The following CPNE4 variants were observed in gnomAD, a reference collection of about 807,000 sequenced individuals.
CPNE4 encodes copine-4.
CPNE4 carries 25 observed loss-of-function variants against 67.9 expected under a neutral mutation model. That is an observed-to-expected ratio of 0.37 (90% confidence interval 0.27 to 0.51). The LOEUF is 0.51. CPNE4 is among the 20% of genes least tolerant of loss of function. CPNE4 has a pLI of 0.93. For missense variants in CPNE4, 464 were observed against 690.8 expected (o/e 0.67, Z 3.68); for synonymous variants, 242 against 244.9 (o/e 0.99, Z 0.11).
At chr3:131,727,304 C>T (rs1215684511) in intron 2 of CPNE4, among the ~76,000 whole-genome samples, 4 of 151,958 alleles carry the variant, frequency 2.6e-5, no homozygotes, top group Non-Finnish European at 2.9e-5. Context: ...TTAAAAATAT[C>T]TAAAACACGG....
chr3:131,665,309 G>A (rs771544607), intron 7 of CPNE4, among the ~76,000 whole-genome samples: 1 of 151,914 alleles, frequency 6.6e-6, no homozygotes, highest in Non-Finnish European at 1.5e-5. Context: ...TCACATTGAG[G>A]GTATTAGAAG....
intron 7 of CPNE4, among the ~76,000 whole-genome samples, chr3:131,634,836 G>A (rs535258432): frequency 6.6e-6 from 1 of 152,274 alleles, no homozygotes; most frequent in South Asian, 2.1e-4. Flanking sequence ...ATCCTAAGTG[G>A]AAAATGGGGG....
chr3:131,553,706 T>C (rs1936310700), intron 12 of CPNE4, among the ~76,000 whole-genome samples: 1 of 152,126 alleles, frequency 6.6e-6, no homozygotes. Context: ...AACCCTTGTC[T>C]CAAGATCTGT....
At chr3:131,685,619 T>TA (rs1297650250) in intron 6 of CPNE4, among the ~76,000 whole-genome samples, 2 of 152,006 alleles carry the variant, frequency 1.3e-5, no homozygotes, top group African/African-American at 2.4e-5. Context: ...CCATCTCTAC[T>TA]AAAAATACAA....
intron 2 of CPNE4, among the ~76,000 whole-genome samples, chr3:131,815,882 A>C (rs539551203): frequency 7.2e-5 from 11 of 151,932 alleles, no homozygotes; most frequent in African/African-American, 2.4e-4. Context: ...GTTAGTTCAC[A>C]GTGTTCCTAT....
intron 2 of CPNE4, among the ~76,000 whole-genome samples, chr3:131,883,812 T>C (rs991631962): frequency 6.6e-6 from 1 of 152,352 alleles, no homozygotes; most frequent in African/African-American, 2.4e-5. Flanking sequence ...GCACAGAAGA[T>C]CTCTACAACT....
intron 1 of CPNE4, among the ~76,000 whole-genome samples, chr3:131,969,886 A>C (rs918281276): frequency 9.9e-5 from 15 of 152,232 alleles, no homozygotes; most frequent in African/African-American, 2.9e-4. Context: ...GTGTAACCAC[A>C]GACAAGGTGC....
intron 7 of CPNE4, among the ~76,000 whole-genome samples, chr3:131,632,073 G>A (rs566937257): frequency 6.7e-6 from 1 of 150,038 alleles, no homozygotes; most frequent in African/African-American, 2.4e-5. Flanking sequence ...CACTGCGCAC[G>A]ATCTTGGCTC....
At chr3:131,670,178 G>C (rs2080372659) in intron 6 of CPNE4, among the ~76,000 whole-genome samples, 1 of 152,072 alleles carries the variant, frequency 6.6e-6, no homozygotes, top group South Asian at 2.1e-4. Flanking sequence ...CTCTTAGTAG[G>C]GTGAAGGGTA....
intron 7 of CPNE4, among the ~76,000 whole-genome samples, chr3:131,596,197 G>C (rs1220175991): frequency 2.0e-5 from 3 of 152,082 alleles, no homozygotes; most frequent in African/African-American, 7.2e-5. Flanking sequence ...GAAACTTTTG[G>C]AGGTGTTGGA....
At chr3:131,843,842 G>A (rs1430941542) in intron 2 of CPNE4, among the ~76,000 whole-genome samples, 3 of 152,130 alleles carry the variant, frequency 2.0e-5, no homozygotes, top group Admixed American at 1.3e-4. Flanking sequence ...CTCTGTTCTG[G>A]TTTCCTTAGC....
upstream of CPNE4, among the ~76,000 whole-genome samples, chr3:132,038,515 A>T (rs2074371209): frequency 6.6e-6 from 1 of 152,156 alleles, no homozygotes; most frequent in African/African-American, 2.4e-5. Flanking sequence ...GAGATTTTAC[A>T]TTTTATCATG....
At chr3:131,827,766 A>G (rs781274906) in intron 2 of CPNE4, among the ~76,000 whole-genome samples, 20 of 152,068 alleles carry the variant, frequency 1.3e-4, no homozygotes, top group Non-Finnish European at 2.4e-4. Flanking sequence ...TGAAAAACTA[A>G]TAAGAAAAAA....
intron 7 of CPNE4, among the ~76,000 whole-genome samples, chr3:131,661,484 C>T (rs568395649): frequency 2.0e-4 from 30 of 152,322 alleles, no homozygotes; most frequent in Non-Finnish European, 4.0e-4. Flanking sequence ...CTTTTTCACG[C>T]TGCAGTATTG....
At chr3:131,716,513 G>C (rs951585439) in intron 3 of CPNE4, among the ~76,000 whole-genome samples, 1 of 152,116 alleles carries the variant, frequency 6.6e-6, no homozygotes, top group African/African-American at 2.4e-5. Context: ...AGCAATGTAA[G>C]TTCAGTTTTA....
At chr3:131,597,313 TG>T (rs1299578550) in intron 7 of CPNE4, among the ~76,000 whole-genome samples, 1 of 139,830 alleles carries the variant, frequency 7.2e-6, no homozygotes, top group Non-Finnish European at 1.5e-5. Flanking sequence ...TGTTGTGGGG[TG>T]GGGGGATGCT....
Position 131,907,572 on chromosome 3 carries a change from G to A in CPNE4, c.-1-2128C>T, listed in dbSNP as rs558229858. ...AACACAGGCATGCTTATTCATTTAT[G>A]TATTTATGTATTTCACACACAAGCA... is the stretch of plus-strand genomic sequence containing the variant. On this transcript the variant is annotated intron_variant, in intron 1 of 15. Transcript: ENST00000429747. Among the ~76,000 whole-genome samples the A allele has an allele frequency of 8.6e-5, 13 of 151,768 alleles. No individual in the cohort carries two copies. The South Asian group carries it at 2.1e-3, about 24-fold the overall frequency.
At chr3:131,730,865 G>A (rs2082112323) in intron 2 of CPNE4, among the ~76,000 whole-genome samples, 2 of 152,104 alleles carry the variant, frequency 1.3e-5, no homozygotes, top group Admixed American at 1.3e-4. Context: ...CTAGCCTCCA[G>A]AACTGTGAAG....
rs1185567091 is a variant in CPNE4 at position 131,597,982 on chromosome 3, C to T, written c.682-10400G>A. The stretch of plus-strand genomic sequence containing the variant: ...CTATGACAATTCTCTGAGTGTTTGG[C>T]CCTGTCTCTGCACTGCAAGGGGAAG... On this transcript the variant is annotated intron_variant, in intron 7 of 15. Coordinates refer to ENST00000429747, the MANE Select transcript of CPNE4 (RefSeq NM_130808.3). 5.9e-5 allele frequency among the ~76,000 whole-genome samples: 9 copies of T among 152,140 alleles called. No homozygotes were observed. In the East Asian group the frequency reaches 1.7e-3, roughly 29 times the overall value.
Sources: allele counts gnomAD v4.1 joint callset (sites outside exome capture counted in the v4.1 genomes callset), GRCh38; gene constraint gnomAD v4.1.1; transcripts MANE v1.5; gene names NCBI Gene and HGNC (gene_info 2026-07-23, HGNC 2026-07-21).